The following PFKFB4 variants were observed in gnomAD, a reference collection of about 807,000 sequenced individuals.
PFKFB4 encodes 6-phosphofructo-2-kinase/fructose-2,6-biphosphatase 4.
In PFKFB4, 42 loss-of-function variants were observed where a neutral mutation model predicts 62.8. The ratio of observed to expected loss-of-function variants is 0.67; its 90% CI spans 0.52 to 0.86. The LOEUF (loss-of-function observed/expected upper bound fraction) is 0.86, where lower values mean the gene tolerates loss of function less well. Ranked by LOEUF, PFKFB4 falls within the 40% of genes least tolerant of loss-of-function variation. The probability of loss-of-function intolerance (pLI) is 0.00; values close to 1 mark genes in which losing one functional copy is unlikely to be tolerated. For missense variants in PFKFB4, 475 were observed against 627.2 expected (o/e 0.76, Z 2.59); for synonymous variants, 204 against 240.7 (o/e 0.85, Z 1.41).
chr3:48,557,428 G>T (rs2043358731), upstream of PFKFB4, among the ~76,000 whole-genome samples: 1 of 152,222 alleles, frequency 6.6e-6, no homozygotes, highest in Non-Finnish European at 1.5e-5. Flanking sequence ...CCGTCCATAG[G>T]AGCATGCTCA....
At chr3:48,557,092 G>A, upstream of PFKFB4, 3 of 668,048 alleles carry the variant, frequency 4.5e-6, no homozygotes, top group Non-Finnish European at 6.2e-6. Flanking sequence ...GGCCCGGATT[G>A]TGCAGGCCCG....
At position 48,519,479 on chromosome 3, in the gene PFKFB4, T is replaced by A; in HGVS notation, c.*268A>T. On this transcript the variant is annotated 3_prime_UTR_variant, in exon 14 of 14. Coordinates refer to ENST00000232375, the MANE Select transcript of PFKFB4 (RefSeq NM_004567.4). ...ACCTAAGAGCTGCGCCGGAAGAAAC[T>A]GGGGCTGGGCAACCTCCGCGCAGCC... 1 of 464,448 alleles carries A rather than the reference T, an allele frequency of 2.2e-6. No homozygotes were observed. Among genetic ancestry groups the A allele is most frequent in the Non-Finnish European group, 3.9e-6 (1 of 257,092 alleles). 28.8% of individuals were successfully genotyped at this position (464,448 alleles called of 1,614,324 possible).
chr3:48,531,096 G>A (rs569132140), intron 9 of PFKFB4, among the ~76,000 whole-genome samples: 1 of 152,178 alleles, frequency 6.6e-6, no homozygotes, highest in Non-Finnish European at 1.5e-5. Flanking sequence ...GTTGGGCATG[G>A]TGGTTCATGC....
At chr3:48,535,465 C>A in intron 9 of PFKFB4, 47 bp downstream of exon 9, 2 of 1,505,244 alleles carry the variant, frequency 1.3e-6, no homozygotes, top group Non-Finnish European at 9.2e-7. Flanking sequence ...GATGCAGCAG[C>A]CCTGCGGTAT....
chr3:48,557,935 G>T (rs565979855), upstream of PFKFB4, among the ~76,000 whole-genome samples: 26 of 151,578 alleles, frequency 1.7e-4, no homozygotes, highest in East Asian at 3.9e-4. Context: ...ATTTTTTTTT[G>T]ATTTTTAGTA....
At position 48,521,963 on chromosome 3, in the gene PFKFB4, C is replaced by T; in HGVS notation, c.1350+23G>A. 1 of 1,605,794 alleles carries T rather than the reference C, an allele frequency of 6.2e-7. No individual in the cohort carries two copies. Among genetic ancestry groups the T allele is most frequent in the Non-Finnish European group, 8.5e-7 (1 of 1,172,424 alleles). On this transcript the variant is annotated intron_variant, in intron 13 of 13. Transcript: ENST00000232375. The surrounding 1 kb of genome is among the most constrained non-coding windows in gnomAD (Gnocchi z 5.3). ...CCCCACATCAGGAACACCCCGCTACCCCAGCAGTGACCCCATTGCTACCTG... is the reference window on the plus strand; with the variant it reads ...CCCCACATCAGGAACACCCCGCTACTCCAGCAGTGACCCCATTGCTACCTG...
upstream of PFKFB4, chr3:48,559,578 G>A (rs570723725): frequency 2.2e-6 from 1 of 456,938 alleles, no homozygotes; most frequent in African/African-American, 2.0e-5. Context: ...AGCATCAGCG[G>A]ATGCCCGGTA....
At chr3:48,538,391 G>T in intron 7 of PFKFB4, 107 bp downstream of exon 7, 1 of 1,391,230 alleles carries the variant, frequency 7.2e-7, no homozygotes, top group Non-Finnish European at 9.9e-7. Context: ...GACCATCTCT[G>T]CTTTTTGGTC....
intron 9 of PFKFB4, among the ~76,000 whole-genome samples, chr3:48,527,950 A>T (rs1313047553): frequency 6.6e-6 from 1 of 151,936 alleles, no homozygotes; most frequent in African/African-American, 2.4e-5. Flanking sequence ...CGGCCTCCCA[A>T]AGTGCTGGGA....
chr3:48,553,138 G>A (rs1427556584), intron 1 of PFKFB4, among the ~76,000 whole-genome samples: 1 of 152,174 alleles, frequency 6.6e-6, no homozygotes, highest in Non-Finnish European at 1.5e-5. Flanking sequence ...CTGTGGCTCT[G>A]AGCCCACAGG....
intron 10 of PFKFB4, among the ~76,000 whole-genome samples, chr3:48,525,072 C>T (rs963154784): frequency 3.3e-5 from 5 of 152,090 alleles, no homozygotes; most frequent in East Asian, 1.9e-4. Context: ...GACAGGGACT[C>T]GAGTGAGCTG....
intron 4 of PFKFB4, among the ~76,000 whole-genome samples, chr3:48,542,129 G>A (rs1443414947): frequency 6.6e-6 from 1 of 152,062 alleles, no homozygotes; most frequent in Non-Finnish European, 1.5e-5. Context: ...GGCGGATCAC[G>A]AGGTCAGGAG....
intron 6 of PFKFB4, among the ~76,000 whole-genome samples, chr3:48,538,875 G>A (rs1047251880): frequency 6.6e-6 from 1 of 152,196 alleles, no homozygotes; most frequent in African/African-American, 2.4e-5. Flanking sequence ...AGGCCTGGAG[G>A]CCGTTCCCCA....
chr3:48,528,000 T>C (rs1376121068), intron 9 of PFKFB4, among the ~76,000 whole-genome samples: 1 of 151,822 alleles, frequency 6.6e-6, no homozygotes, highest in Non-Finnish European at 1.5e-5. Flanking sequence ...GCTTCCACCA[T>C]CGTAAAGAGC....
At chr3:48,523,421 T>A in intron 12 of PFKFB4, 116 bp downstream of exon 12, 1 of 956,206 alleles carries the variant, frequency 1.0e-6, no homozygotes, top group Non-Finnish European at 1.7e-6. Flanking sequence ...GGTGGGGTAG[T>A]AGGTGGAGGA....
intron 4 of PFKFB4, among the ~76,000 whole-genome samples, chr3:48,540,436 A>G (rs773682367): frequency 1.6e-4 from 24 of 152,094 alleles, no homozygotes; most frequent in Non-Finnish European, 2.8e-4. Flanking sequence ...GCTGATAAAG[A>G]AGAGCTGGAG....
At chr3:48,531,066 T>C (rs1480548204) in intron 9 of PFKFB4, among the ~76,000 whole-genome samples, 2 of 151,864 alleles carry the variant, frequency 1.3e-5, no homozygotes, top group Non-Finnish European at 2.9e-5. Context: ...GGAAAAAATA[T>C]AATAAAAAAA....
upstream of PFKFB4, among the ~76,000 whole-genome samples, chr3:48,557,242 C>A (rs919000438): frequency 6.6e-6 from 1 of 152,174 alleles, no homozygotes; most frequent in South Asian, 2.1e-4. Flanking sequence ...GAGCCCAGGG[C>A]CCCCAGGAGG....
chr3:48,524,113 C>T (rs2042182167), intron 10 of PFKFB4, among the ~76,000 whole-genome samples: 1 of 152,218 alleles, frequency 6.6e-6, no homozygotes, highest in African/African-American at 2.4e-5. Flanking sequence ...TGGGGCTCTG[C>T]ACTGAATCCT....
Sources: allele counts gnomAD v4.1 joint callset (sites outside exome capture counted in the v4.1 genomes callset), GRCh38; gene constraint gnomAD v4.1.1; non-coding constraint Gnocchi (gnomAD v3.1); transcripts MANE v1.5; gene names NCBI Gene and HGNC (gene_info 2026-07-23, HGNC 2026-07-21).